The following NEB variants were observed in gnomAD, a reference collection of about 807,000 sequenced individuals.
NEB encodes nebulin.
A neutral mutation model predicts 952.2 loss-of-function variants in NEB; 512 were observed. The observed-to-expected ratio is 0.54, with a 90% CI of 0.50 to 0.58. NEB has a LOEUF of 0.58. Among genes scored for constraint, NEB ranks in the 20% least tolerant of loss-of-function variants. The probability of loss-of-function intolerance (pLI) is 0.00; values close to 1 mark genes in which losing one functional copy is unlikely to be tolerated. For missense variants in NEB, 8,428 were observed against 9,231.1 expected (o/e 0.91, Z 3.56); for synonymous variants, 2,900 against 3,149.8 (o/e 0.92, Z 2.66).
At chr2:151,511,766 G>GAGTT (rs2074558060) in intron 161 of NEB, among the ~76,000 whole-genome samples, 1 of 152,182 alleles carries the variant, frequency 6.6e-6, no homozygotes, top group South Asian at 2.1e-4. Flanking sequence ...AGATGATGGA[G>GAGTT]AGTTATTCAT....
At chr2:151,563,395 T>C (rs1222317127) in intron 119 of NEB, among the ~76,000 whole-genome samples, 2 of 152,120 alleles carry the variant, frequency 1.3e-5, no homozygotes, top group African/African-American at 4.8e-5. Flanking sequence ...GCAGTCACAG[T>C]GTTAAATAGT....
intron 130 of NEB, 42 bp downstream of exon 130, chr2:151,549,594 C>A: frequency 7.6e-7 from 1 of 1,319,244 alleles, no homozygotes; most frequent in Non-Finnish European, 1.1e-6. Flanking sequence ...TCTCCTGCCA[C>A]CCCACCTTCA....
rs1282809712 is a variant in NEB at position 151,518,892 on chromosome 2, C to T, written c.22695+73G>A. 4.3e-6 allele frequency: 4 copies of T among 929,318 alleles called. No individual in the cohort carries two copies. In the Admixed American group the frequency reaches 5.7e-5, roughly 13 times the overall value. 57.6% of individuals were successfully genotyped at this position (929,318 alleles called of 1,614,324 possible). ...GGTATCAGTAGCAGAGAAGAAGATG[C>T]ATCTGGGCTCAGAAAGAATTTAGTT... On this transcript the variant is annotated intron_variant, in intron 155 of 181. Transcript: ENST00000397345.
Position 151,505,463 on chromosome 2 carries a change from G to A in NEB, c.23742+15C>T, listed in dbSNP as rs769940234. ...GGCCAGTCACACAAATGGAAGCTGA[G>A]AGTATGGCCACTACCGAGCTAATGT... On this transcript the variant is annotated intron_variant, in intron 165 of 181. Transcript: ENST00000397345. The A allele has an allele frequency of 6.2e-7, 1 of 1,607,514 alleles. No individual in the cohort carries two copies. Among genetic ancestry groups the A allele is most frequent in the South Asian group, 1.1e-5 (1 of 90,860 alleles).
rs202133044 is a variant in NEB, at chr2:151,565,024, T to C, written c.18471+20A>G. On this transcript the variant is annotated intron_variant, in intron 117 of 181. Coordinates refer to ENST00000397345, the MANE Select transcript of NEB (RefSeq NM_001164508.2). ...CTTCAAATTAGAAATTGAGTGGTTA[T>C]TACATAAAAGAGAACTTACAGTACT... 71 of 1,404,510 alleles carry C rather than the reference T, an allele frequency of 5.1e-5. No individual in the cohort carries two copies. The Middle Eastern group carries it at 1.8e-3, about 35-fold the overall frequency. The allele number at this position is 1,404,510 out of a possible 1,614,324, so 87.0% of individuals were successfully genotyped here. A position where few individuals can be genotyped will look rare whatever the true frequency, so the allele number is the denominator to read the frequency against.
chr2:151,543,133 G>T (rs1335798717), intron 135 of NEB, among the ~76,000 whole-genome samples: 2 of 152,138 alleles, frequency 1.3e-5, no homozygotes, highest in East Asian at 3.9e-4. Flanking sequence ...CAGCAGTTCA[G>T]TGGTACGATC....
Position 151,667,810 on chromosome 2 carries a change from A to G in NEB, c.4713T>C (p.Ala1571=). 6.2e-7 allele frequency: 1 copy of G among 1,611,558 alleles called. No individual in the cohort carries two copies. The highest frequency in any genetic ancestry group is 8.5e-7 in the Non-Finnish European group (1 of 1,178,152). Residue 1571 remains alanine, a synonymous_variant, in exon 40 of 182, where the codon GCT becomes GCC. Transcript: ENST00000397345. The stretch of plus-strand genomic sequence containing the variant: ...ACTTTTAAGTTAGACTTACATCACT[A>G]GCAATATTCCTTGAACTTTTTGCAG... ...IVAAKSSRNI[A]SDCKYKEAYE...
At chr2:151,609,244 A>C (rs2153966825) in intron 81 of NEB, among the ~76,000 whole-genome samples, 1 of 152,228 alleles carries the variant, frequency 6.6e-6, no homozygotes, top group South Asian at 2.1e-4. Flanking sequence ...AGACATACAA[A>C]TCCTTAGCTG....
intron 45 of NEB, among the ~76,000 whole-genome samples, chr2:151,663,026 T>C (rs576068953): frequency 6.6e-6 from 1 of 152,302 alleles, no homozygotes; most frequent in African/African-American, 2.4e-5. Flanking sequence ...ATGGACTCTT[T>C]AGCTAAATTC....
chr2:151,709,450 C>T (rs2099737347), intron 12 of NEB, among the ~76,000 whole-genome samples: 1 of 152,118 alleles, frequency 6.6e-6, no homozygotes, highest in African/African-American at 2.4e-5. Flanking sequence ...TTAGTAGCCC[C>T]ATTATAATTC....
chr2:151,524,120 A>C (rs1346579525), intron 153 of NEB, among the ~76,000 whole-genome samples, 191 bp downstream of exon 153: 1 of 152,222 alleles, frequency 6.6e-6, no homozygotes, highest in Non-Finnish European at 1.5e-5. Flanking sequence ...AGTGGAGAAC[A>C]AGAAAGGTCT....
Position 151,643,898 on chromosome 2 carries a change from T to C in NEB, c.7876A>G (p.Asn2626Asp). 6.2e-7 allele frequency: 1 copy of C among 1,613,966 alleles called. No homozygotes were observed. Among genetic ancestry groups the C allele is most frequent in the Admixed American group, 1.7e-5 (1 of 60,026 alleles). Reference sequence around the variant, plus strand: ...AGGCATGTCCACTGGTGCAGGTAGTTCTTGTAGTCCACGTCGCTGACTAAG... The same window carrying C: ...AGGCATGTCCACTGGTGCAGGTAGTCCTTGTAGTCCACGTCGCTGACTAAG... ...QTLVSDVDYK[N>D]YLHQWTCLPD... Residue 2626 changes from asparagine (N) to aspartate (D), a missense_variant, in exon 57 of 182, where the codon AAC becomes GAC. Coordinates refer to ENST00000397345, the MANE Select transcript of NEB (RefSeq NM_001164508.2).
At position 151,570,062 on chromosome 2, in the gene NEB, C is replaced by T. The variant is rs1251205262; in HGVS notation, c.17430+19G>A. The T allele has an allele frequency of 2.5e-6, 4 of 1,588,642 alleles. No individual in the cohort carries two copies. In the African/African-American group the frequency reaches 5.4e-5, roughly 21 times the overall value. On this transcript the variant is annotated intron_variant, in intron 109 of 181. Coordinates refer to ENST00000397345, the MANE Select transcript of NEB (RefSeq NM_001164508.2). ...GGCAAACTGAGAAAAGAGTTCAACC[C>T]CAAATGCAGCCCACTCACATCGCTC... is the stretch of plus-strand genomic sequence containing the variant.
intron 40 of NEB, 74 bp from the exon 41 acceptor site, chr2:151,666,475 T>G (rs1382078761): frequency 9.0e-6 from 13 of 1,437,290 alleles, no homozygotes; most frequent in Non-Finnish European, 1.2e-5. Flanking sequence ...ATACAACAAA[T>G]TAAGCAAAAG....
At position 151,650,204 on chromosome 2, in the gene NEB, G is replaced by T. The variant is rs2099015996; in HGVS notation, c.7403C>A (p.Ala2468Glu). 1 of 1,613,784 alleles carries T rather than the reference G, an allele frequency of 6.2e-7. No individual in the cohort carries two copies. Among genetic ancestry groups the T allele is most frequent in the African/African-American group, 1.3e-5 (1 of 75,016 alleles). Reference protein sequence around the residue: ...SIPDAMDIVLAKTNAKNRSDR... With the variant: ...SIPDAMDIVLEKTNAKNRSDR... ...ACTCCTATTTTTGGCATTTGTCTTT[G>T]CCAGAACTATATCCATGGCATCAGG... The change falls in exon 54 of 182, where the codon GCA becomes GAA. Residue 2468 changes from alanine to glutamate, a missense_variant. Coordinates refer to ENST00000397345, the MANE Select transcript of NEB (RefSeq NM_001164508.2).
intron 164 of NEB, 139 bp from the exon 165 acceptor site, chr2:151,505,709 A>G (rs973055774): frequency 1.5e-5 from 10 of 687,304 alleles, no homozygotes; most frequent in Non-Finnish European, 2.1e-5. Flanking sequence ...CTTAGTGTGA[A>G]TGGGACCTCA....
intron 71 of NEB, among the ~76,000 whole-genome samples, chr2:151,623,182 G>C (rs930073191): frequency 6.6e-5 from 10 of 152,176 alleles, no homozygotes; most frequent in African/African-American, 2.4e-4. Flanking sequence ...ATCTATGATT[G>C]AACAATTTAA....
chr2:151,573,657 CACAAAG>C (rs775513270), intron 107 of NEB, among the ~76,000 whole-genome samples: 50 of 152,196 alleles, frequency 3.3e-4, no homozygotes, highest in Non-Finnish European at 6.0e-4. Context: ...CTCCTTCTCT[CACAAAG>C]ACATATTATT....
chr2:151,666,543 C>T, intron 40 of NEB, 142 bp from the exon 41 acceptor site: 2 of 748,640 alleles, frequency 2.7e-6, no homozygotes, highest in East Asian at 2.7e-5. Context: ...TTAAAATAAA[C>T]AATTAGCAAA....
Sources: allele counts gnomAD v4.1 joint callset (sites outside exome capture counted in the v4.1 genomes callset), GRCh38; gene constraint gnomAD v4.1.1; transcripts MANE v1.5; gene names NCBI Gene and HGNC (gene_info 2026-07-23, HGNC 2026-07-21).